Variants in NCEH1 observed in about 807,000 individuals in gnomAD.
The protein encoded by NCEH1 is 2-acetyl MAGE hydrolase.
NCEH1 carries 9 observed loss-of-function variants against 25.4 expected under a neutral mutation model. The observed-to-expected ratio is 0.35, with a 90% CI of 0.21 to 0.62. The LOEUF is 0.62. Among genes scored for constraint, NCEH1 ranks in the 20% least tolerant of loss-of-function variants. The pLI is 0.72. For synonymous variants in NCEH1, 200 were observed against 199.8 expected, an observed-to-expected ratio of 1.00 and a Z score of -0.01; for missense variants, 412 against 501.1, an observed-to-expected ratio of 0.82 and a Z score of 1.70.
intron 1 of NCEH1, among the ~76,000 whole-genome samples, chr3:172,686,436 A>G (rs926058762): frequency 1.3e-5 from 2 of 152,224 alleles, no homozygotes; most frequent in African/African-American, 4.8e-5. Context: ...ATGTCCACAT[A>G]GTGTGTATTT....
chr3:172,696,569 A>C (rs766625056), intron 1 of NCEH1, among the ~76,000 whole-genome samples: 27 of 152,298 alleles, frequency 1.8e-4, no homozygotes, highest in South Asian at 6.2e-4. Context: ...CATTTTAATC[A>C]CTTGCTAGAT....
intron 3 of NCEH1, among the ~76,000 whole-genome samples, chr3:172,642,988 G>A (rs925017709): frequency 6.6e-6 from 1 of 152,116 alleles, no homozygotes; most frequent in African/African-American, 2.4e-5. Context: ...GCCCAGGCTG[G>A]AGTGCAATGG....
Position 172,630,678 on chromosome 3 carries a change from TC to T in NCEH1, c.*2796del, listed in dbSNP as rs2108483831. The T allele has an allele frequency of 6.6e-6, 1 of 152,346 alleles. No homozygotes were observed. Among genetic ancestry groups the T allele is most frequent in the Non-Finnish European group, 1.5e-5 (1 of 68,030 alleles). 9.4% of individuals were successfully genotyped at this position (152,346 alleles called of 1,614,324 possible). A position where few individuals can be genotyped will look rare whatever the true frequency, so the allele number is the denominator to read the frequency against. On this transcript the variant is annotated 3_prime_UTR_variant, in exon 5 of 5. Transcript: ENST00000475381. ...CATTCCCAGATGGAGCAATTTTATT[TC>T]CAAACATGATTCAGAATAGATAGAT...
chr3:172,665,657 C>A (rs1308566848), intron 1 of NCEH1, among the ~76,000 whole-genome samples: 1 of 152,230 alleles, frequency 6.6e-6, no homozygotes, highest in East Asian at 1.9e-4. Flanking sequence ...AGCTTCCTGG[C>A]CACTTTGTTT....
Position 172,632,270 on chromosome 3 carries a change from C to T in NCEH1, c.*1205G>A, listed in dbSNP as rs781471736. On this transcript the variant is annotated 3_prime_UTR_variant, in exon 5 of 5. Transcript: ENST00000475381. The stretch of plus-strand genomic sequence containing the variant: ...GCCTATGTTATAGTAGTATTAATAG[C>T]TGTTATATCATTTCCACAAAATTAC... 1.3e-5 allele frequency: 2 copies of T among 152,188 alleles called. No individual in the cohort carries two copies. Among genetic ancestry groups the T allele is most frequent in the Non-Finnish European group, 2.9e-5 (2 of 68,040 alleles). 9.4% of individuals were successfully genotyped at this position (152,188 alleles called of 1,614,324 possible). A position where few individuals can be genotyped will look rare whatever the true frequency, so the allele number is the denominator to read the frequency against.
intron 1 of NCEH1, among the ~76,000 whole-genome samples, chr3:172,672,703 A>G (rs969522977): frequency 6.6e-6 from 1 of 152,230 alleles, no homozygotes; most frequent in Non-Finnish European, 1.5e-5. Context: ...GGCCCAAAAG[A>G]AAGAGAGAAA....
chr3:172,689,453 G>T (rs948164919), intron 1 of NCEH1, among the ~76,000 whole-genome samples: 1 of 151,364 alleles, frequency 6.6e-6, no homozygotes, highest in Non-Finnish European at 1.5e-5. Context: ...TACCATATTG[G>T]CCAGGGTGGT....
In NCEH1 at chr3:172,633,504, A is replaced by G; in HGVS notation, c.1198T>C (p.Tyr400His). ...AGGTTTTGATCTAGCCACTTGATGT[A>G]ACTATTCCTAGTCCGGATTCCCACT... ...FSVGIRTRNS[Y>H]IKWLDQNL The change falls in exon 5 of 5, where the codon TAC (tyrosine) becomes CAC (histidine). Residue 400 changes from tyrosine (Y) to histidine (H), a missense_variant. By Grantham distance (83) the Tyr-to-His change is moderately conservative. Transcript: ENST00000475381. 3 of 1,614,052 alleles carry G rather than the reference A, an allele frequency of 1.9e-6. No homozygotes were observed. The highest frequency in any genetic ancestry group is 2.5e-6 in the Non-Finnish European group (3 of 1,179,960).
At chr3:172,699,195 T>C (rs966788700) in intron 1 of NCEH1, among the ~76,000 whole-genome samples, 2 of 151,972 alleles carry the variant, frequency 1.3e-5, no homozygotes, top group Non-Finnish European at 2.9e-5. Context: ...TATTGAACGA[T>C]GCGTGGGATA....
intron 1 of NCEH1, among the ~76,000 whole-genome samples, chr3:172,668,404 G>A (rs963028529): frequency 7.3e-6 from 1 of 136,764 alleles, no homozygotes; most frequent in African/African-American, 2.8e-5. Context: ...GCCCAGGCTG[G>A]AGTGCAATGG....
Position 172,711,037 on chromosome 3 carries a change from A to T in NCEH1, c.-53T>A, listed in dbSNP as rs1400139339. The T allele has an allele frequency of 3.1e-6, 5 of 1,611,522 alleles. No homozygotes were observed. The highest frequency in any genetic ancestry group is 3.4e-6 in the Non-Finnish European group (4 of 1,178,250). ...CTGGCAAAGAGGAAAGGGCGATACC[A>T]CCCGGAGACCTCCGGCAACTTTCTG... On this transcript the variant is annotated 5_prime_UTR_variant, in exon 1 of 5. Coordinates refer to ENST00000475381, the MANE Select transcript of NCEH1 (RefSeq NM_020792.6).
chr3:172,660,823 G>A (rs1717941136), intron 1 of NCEH1, among the ~76,000 whole-genome samples: 1 of 152,174 alleles, frequency 6.6e-6, no homozygotes, highest in Non-Finnish European at 1.5e-5. Context: ...TGATGGGATT[G>A]ATTTTTTCTT....
chr3:172,704,270 G>T (rs1713856989), intron 1 of NCEH1, among the ~76,000 whole-genome samples: 1 of 152,172 alleles, frequency 6.6e-6, no homozygotes, highest in African/African-American at 2.4e-5. Flanking sequence ...TAGTCCAAAA[G>T]CACTGTCACC....
intron 1 of NCEH1, among the ~76,000 whole-genome samples, chr3:172,651,219 C>T (rs963348715): frequency 2.0e-5 from 3 of 152,018 alleles, no homozygotes; most frequent in African/African-American, 4.8e-5. Flanking sequence ...ATTTCTAAAA[C>T]CTTGAGGGGC....
At chr3:172,653,765 T>TTGTTTGTTG (rs55986552) in intron 1 of NCEH1, among the ~76,000 whole-genome samples, 1 of 134,382 alleles carries the variant, frequency 7.4e-6, no homozygotes, top group Non-Finnish European at 1.5e-5. Flanking sequence ...TTTTTGTTTT[T>TTGTTTGTTG]TTTTTTTTTT....
intron 1 of NCEH1, among the ~76,000 whole-genome samples, chr3:172,657,447 CAT>C (rs1319347008): frequency 2.0e-5 from 3 of 152,192 alleles, no homozygotes; most frequent in Admixed American, 6.6e-5. Context: ...TCTTCTCTCA[CAT>C]GATTTCCAAT....
At chr3:172,704,318 T>C (rs1713860874) in intron 1 of NCEH1, among the ~76,000 whole-genome samples, 1 of 152,228 alleles carries the variant, frequency 6.6e-6, no homozygotes, top group Non-Finnish European at 1.5e-5. Context: ...TAAATACCAA[T>C]TTCAGCACTT....
intron 1 of NCEH1, among the ~76,000 whole-genome samples, chr3:172,654,373 T>C (rs1304689388): frequency 1.3e-5 from 2 of 152,186 alleles, no homozygotes; most frequent in African/African-American, 2.4e-5. Flanking sequence ...GCCTGTCACA[T>C]AAGAAGCCCT....
intron 1 of NCEH1, among the ~76,000 whole-genome samples, chr3:172,685,040 A>G (rs1712621188): frequency 1.3e-5 from 2 of 148,646 alleles, no homozygotes; most frequent in Admixed American, 1.3e-4. Flanking sequence ...TTACACTTTA[A>G]TCCTAGCACT....
Sources: allele counts gnomAD v4.1 joint callset (sites outside exome capture counted in the v4.1 genomes callset), GRCh38; gene constraint gnomAD v4.1.1; transcripts MANE v1.5; gene names NCBI Gene and HGNC (gene_info 2026-07-23, HGNC 2026-07-21).